The following NAT16 variants were observed in gnomAD, a reference collection of about 807,000 sequenced individuals.
NAT16 encodes the protein probable N-acetyltransferase 16.
NAT16 carries 16 observed loss-of-function variants against 15.9 expected under a neutral mutation model. The ratio of observed to expected loss-of-function variants is 1.01; its 90% confidence interval spans 0.68 to 1.53. NAT16 has a LOEUF of 1.53. NAT16 is among the 40% of genes most tolerant of loss of function. The probability of loss-of-function intolerance (pLI) is 0.00; values close to 1 mark genes in which losing one functional copy is unlikely to be tolerated. For synonymous variants in NAT16, 260 were observed against 241.9 expected, an observed-to-expected ratio of 1.07 and a Z score of -0.69; for missense variants, 572 against 508.4, an observed-to-expected ratio of 1.13 and a Z score of -1.20.
chr7:101,175,830 G>C (rs1797452719), intron 1 of NAT16, among the ~76,000 whole-genome samples: 1 of 151,826 alleles, frequency 6.6e-6, no homozygotes, highest in Non-Finnish European at 1.5e-5. Context: ...GCTGAAGTGG[G>C]AGGATCGTTT....
chr7:101,175,837 G>A (rs775729625), intron 1 of NAT16, among the ~76,000 whole-genome samples: 5 of 151,246 alleles, frequency 3.3e-5, no homozygotes, highest in East Asian at 2.0e-4. Flanking sequence ...TGGGAGGATC[G>A]TTTGAGCCAA....
At chr7:101,174,951 CTTAT>C (rs144103741) in intron 1 of NAT16, 140 bp from the exon 2 acceptor site, 65 of 1,129,226 alleles carry the variant, frequency 5.8e-5, no homozygotes, top group East Asian at 3.9e-4. Flanking sequence ...TACTTATTTA[CTTAT>C]TTATTTATTT....
intron 2 of NAT16, 74 bp downstream of exon 2, chr7:101,174,422 C>T (rs538892941): frequency 3.4e-5 from 50 of 1,469,908 alleles, no homozygotes; most frequent in African/African-American, 3.4e-4. Flanking sequence ...AAGCTCTCAT[C>T]CTCCTCTTCC....
intron 1 of NAT16, among the ~76,000 whole-genome samples, chr7:101,178,460 G>A (rs935017049): frequency 1.3e-5 from 2 of 151,942 alleles, no homozygotes; most frequent in Admixed American, 6.6e-5. Context: ...GCCTGGCTCC[G>A]TGGAACTCTT....
intron 3 of NAT16, 46 bp downstream of exon 3, chr7:101,173,250 G>T: frequency 6.6e-7 from 1 of 1,526,172 alleles, no homozygotes; most frequent in Non-Finnish European, 9.1e-7. Context: ...CTCCCCATAT[G>T]CCCCAGCAGA....
chr7:101,174,393 C>T (rs901432700), intron 2 of NAT16, 103 bp downstream of exon 2: 2 of 1,408,846 alleles, frequency 1.4e-6, no homozygotes, highest in Middle Eastern at 5.0e-4. Flanking sequence ...TCCGCAGCCT[C>T]CAGAGGAAGG....
Position 101,172,201 on chromosome 7 carries a change from T to A in NAT16, c.988A>T (p.Met330Leu). 1.2e-6 allele frequency: 2 copies of A among 1,613,878 alleles called. No individual in the cohort carries two copies. The highest frequency in any genetic ancestry group is 2.2e-5 in the East Asian group (1 of 44,852). ...TGGGGCTCCAGGAAGAGCTGGCACA[T>A]GACGTTGAGGCCAACGAGGCGCGGG... Reference protein sequence around the residue: ...QAPRLVGLNVMCQLFLEPQLW... With the variant: ...QAPRLVGLNVLCQLFLEPQLW... The change falls in exon 4 of 4, where the codon ATG becomes TTG. Residue 330 changes from methionine to leucine, a missense_variant. Coordinates refer to ENST00000300303, the MANE Select transcript of NAT16 (RefSeq NM_198571.3). The surrounding 1 kb of genome is among the most constrained non-coding windows in gnomAD (Gnocchi z 4.2).
At chr7:101,177,826 A>C (rs1433362299) in intron 1 of NAT16, among the ~76,000 whole-genome samples, 1 of 152,158 alleles carries the variant, frequency 6.6e-6, no homozygotes, top group Non-Finnish European at 1.5e-5. Context: ...AGCAATCCCT[A>C]TGCCAACACA....
intron 1 of NAT16, among the ~76,000 whole-genome samples, chr7:101,179,471 C>T (rs1797544244): frequency 6.7e-6 from 1 of 148,860 alleles, no homozygotes; most frequent in Non-Finnish European, 1.5e-5. Context: ...GGCGGGGATC[C>T]GTGGAGGGGA....
chr7:101,179,966 C>G (rs1797555764), intron 1 of NAT16, 76 bp downstream of exon 1: 1 of 152,350 alleles, frequency 6.6e-6, no homozygotes, highest in Admixed American at 6.5e-5. Context: ...GGGGCGGTGG[C>G]CTTCTGCTGC....
In NAT16 at chr7:101,180,222, G is replaced by C. The variant is rs1297062104; in HGVS notation, c.-185C>G. The C allele has an allele frequency of 6.6e-6, 1 of 152,370 alleles. No homozygotes were observed. Among genetic ancestry groups the C allele is most frequent in the Non-Finnish European group, 1.5e-5 (1 of 68,168 alleles). 9.4% of individuals were successfully genotyped at this position (152,370 alleles called of 1,614,324 possible). On this transcript the variant is annotated 5_prime_UTR_variant, in exon 1 of 4. Coordinates refer to ENST00000300303, the MANE Select transcript of NAT16 (RefSeq NM_198571.3). ...GAGCCCGACTCTAACGTCGGTCAGC[G>C]CTGGGGCAGCGCCGCAGCTCCGTTG... is the stretch of plus-strand genomic sequence containing the variant.
At chr7:101,173,234 G>T in intron 3 of NAT16, 62 bp downstream of exon 3, 1 of 1,426,814 alleles carries the variant, frequency 7.0e-7, no homozygotes, top group Non-Finnish European at 9.9e-7. Context: ...TGGGGGTGGG[G>T]AGGGTCTCCC....
Position 101,172,167 on chromosome 7 carries a change from G to GGTC in NAT16, c.1021_1022insGAC (p.Ser341delinsTer). 3 of 1,614,070 alleles carry GGTC rather than the reference G, an allele frequency of 1.9e-6. No homozygotes were observed. Among genetic ancestry groups the GGTC allele is most frequent in the Non-Finnish European group, 2.5e-6 (3 of 1,179,990 alleles). ...GACCTGGCAGAAGTCAGCCAGCTGT[G>GGTC]ACCACAGCTGGGGCTCCAGGAAGAG... On this transcript the variant is annotated stop_gained, in exon 4 of 4. Transcript: ENST00000300303. LOFTEE classifies it low-confidence loss of function (END_TRUNC). The surrounding 1 kb of genome is among the most constrained non-coding windows in gnomAD (Gnocchi z 4.2).
Position 101,171,866 on chromosome 7 carries a change from A to G in NAT16, c.*213T>C. The G allele has an allele frequency of 1.8e-6, 1 of 551,496 alleles. No individual in the cohort carries two copies. Among genetic ancestry groups the G allele is most frequent in the Non-Finnish European group, 3.2e-6 (1 of 313,442 alleles). The allele number at this position is 551,496 out of a possible 1,614,324, so 34.2% of individuals were successfully genotyped here. A position where few individuals can be genotyped will look rare whatever the true frequency, so the allele number is the denominator to read the frequency against. ...ACCTAATAGTCCGCAAGTTCAGGTC[A>G]GGGAGTGGGCAATGGTGTTTGGGGG... On this transcript the variant is annotated 3_prime_UTR_variant, in exon 4 of 4. Transcript: ENST00000300303.
At chr7:101,174,874 G>C (rs1797432565) in intron 1 of NAT16, 63 bp from the exon 2 acceptor site, 1 of 1,494,112 alleles carries the variant, frequency 6.7e-7, no homozygotes, top group Admixed American at 2.3e-5. Context: ...CTGGGCCCCT[G>C]CACACAAACG....
rs1797331716 is a variant in NAT16, at chr7:101,171,976, A to G, written c.*103T>C. 1.3e-6 allele frequency: 1 copy of G among 785,974 alleles called. No homozygotes were observed. Among genetic ancestry groups the G allele is most frequent in the Non-Finnish European group, 2.1e-6 (1 of 479,514 alleles). The allele number at this position is 785,974 out of a possible 1,614,324, so 48.7% of individuals were successfully genotyped here. On this transcript the variant is annotated 3_prime_UTR_variant, in exon 4 of 4. Coordinates refer to ENST00000300303, the MANE Select transcript of NAT16 (RefSeq NM_198571.3). ...GGCAGGAGGGCAGGAGTCAGAGGGG[A>G]CTTCCCAGGAGACGCAGCGTCGGAA...
intron 1 of NAT16, chr7:101,179,067 C>T (rs1207934404): frequency 6.7e-6 from 1 of 148,796 alleles, no homozygotes; most frequent in Non-Finnish European, 1.5e-5. Flanking sequence ...CCCACCCACC[C>T]GCACCCCACT....
At position 101,173,530 on chromosome 7, in the gene NAT16, G is replaced by C. The variant is rs1412865954; in HGVS notation, c.313-10C>G. The C allele has an allele frequency of 2.5e-6, 4 of 1,568,842 alleles. No homozygotes were observed. Among genetic ancestry groups the C allele is most frequent in the Non-Finnish European group, 3.5e-6 (4 of 1,157,400 alleles). On this transcript the variant is annotated splice_polypyrimidine_tract_variant and intron_variant, in intron 2 of 3. Transcript: ENST00000300303. ...CCGACTCCAGCGCGATCTGCGGACCGAGGCCGTTAGCGCGGGGCCCTCCCC... is the reference window on the plus strand; with the variant it reads ...CCGACTCCAGCGCGATCTGCGGACCCAGGCCGTTAGCGCGGGGCCCTCCCC...
chr7:101,178,889 C>CATAAAAAAAA (rs1797528191), intron 1 of NAT16, among the ~76,000 whole-genome samples: 1 of 62,084 alleles, frequency 1.6e-5, no homozygotes, highest in Non-Finnish European at 2.8e-5. Flanking sequence ...GAAACGCTGT[C>CATAAAAAAAA]AAAAAAAAAA....
Sources: gnomAD v4.1 joint callset for allele counts (sites outside exome capture counted in the v4.1 genomes callset) on GRCh38, gnomAD v4.1.1 for gene constraint, Gnocchi (gnomAD v3.1) non-coding constraint, MANE v1.5 for transcripts, NCBI Gene and HGNC (gene_info 2026-07-23, HGNC 2026-07-21) for gene names.